Variants in SETD5 observed in about 807,000 individuals in gnomAD.
SETD5 encodes the protein SET domain containing 5.
In SETD5, 44 loss-of-function variants were observed where a neutral mutation model predicts 153.3. The ratio of observed to expected loss-of-function variants is 0.29; its 90% CI spans 0.23 to 0.37. The LOEUF (loss-of-function observed/expected upper bound fraction) is 0.37. Ranked by LOEUF, SETD5 falls within the 10% of genes least tolerant of loss-of-function variation. The probability of loss-of-function intolerance (pLI) is 1.00; values close to 1 mark genes in which losing one functional copy is unlikely to be tolerated. For missense variants in SETD5, 1,544 were observed against 1,768.0 expected (o/e 0.87, Z 2.27); for synonymous variants, 716 against 645.2 (o/e 1.11, Z -1.66).
At chr3:9,431,263 G>T (rs2039928910) in intron 3 of SETD5, 1 of 985,256 alleles carries the variant, frequency 1.0e-6, no homozygotes, top group African/African-American at 1.7e-5. Flanking sequence ...CATTTTCCAA[G>T]AAATGGCATG....
At chr3:9,455,218 G>A (rs1371664315) in intron 17 of SETD5, among the ~76,000 whole-genome samples, 8 of 109,648 alleles carry the variant, frequency 7.3e-5, no homozygotes, top group Admixed American at 1.4e-4. Context: ...GATTCTCCCT[G>A]CCTCAGCCTC....
At chr3:9,400,351 T>C (rs2034555058) in intron 1 of SETD5, among the ~76,000 whole-genome samples, 1 of 152,206 alleles carries the variant, frequency 6.6e-6, no homozygotes, top group Admixed American at 6.5e-5. Context: ...AAGTAATAAT[T>C]TTAAGAATCT....
intron 15 of SETD5, 106 bp downstream of exon 15, chr3:9,448,112 T>C: frequency 7.8e-7 from 1 of 1,287,708 alleles, no homozygotes; most frequent in Admixed American, 2.8e-5. Context: ...TATTACTAGA[T>C]TGAAAGTTCT....
At chr3:9,475,359 G>A in intron 22 of SETD5, 124 bp from the exon 23 acceptor site, 1 of 1,384,494 alleles carries the variant, frequency 7.2e-7, no homozygotes. Context: ...TACTGCCTTT[G>A]GTTTCCTAAA....
chr3:9,410,886 T>TC (rs2036466736), intron 1 of SETD5, among the ~76,000 whole-genome samples: 2 of 150,970 alleles, frequency 1.3e-5, no homozygotes, highest in Admixed American at 1.3e-4. Context: ...TCTTTTTTTT[T>TC]TTCTTTTTTT....
At chr3:9,415,338 G>A (rs756646899) in intron 1 of SETD5, among the ~76,000 whole-genome samples, 1 of 152,114 alleles carries the variant, frequency 6.6e-6, no homozygotes, top group Non-Finnish European at 1.5e-5. Context: ...AAGATTTCCA[G>A]AGAAAGTTTT....
intron 17 of SETD5, 97 bp downstream of exon 17, chr3:9,453,965 G>A: frequency 7.6e-7 from 1 of 1,314,750 alleles, no homozygotes; most frequent in South Asian, 1.8e-5. Context: ...AAAAGAAATG[G>A]CGTGTTTTCT....
chr3:9,429,786 G>T, intron 3 of SETD5: 1 of 1,257,166 alleles, frequency 8.0e-7, no homozygotes. Flanking sequence ...TCCCCCTCTT[G>T]TCCTTTTACC....
chr3:9,476,301 A>C lies in SETD5; in HGVS notation c.*210A>C, dbSNP rs1406258939. 1.6e-6 allele frequency: 1 copy of C among 639,822 alleles called. No individual in the cohort carries two copies. The highest frequency in any genetic ancestry group is 2.6e-6 in the Non-Finnish European group (1 of 383,724). The allele number at this position is 639,822 out of a possible 1,614,324, so 39.6% of individuals were successfully genotyped here. A position where few individuals can be genotyped will look rare whatever the true frequency, so the allele number is the denominator to read the frequency against. ...AATCTTGTCTGAAGCAGAGACTATA[A>C]AGAAGTTTCTCCCTGCTGTCAAGGG... On this transcript the variant is annotated 3_prime_UTR_variant, in exon 23 of 23. Coordinates refer to ENST00000402198, the MANE Select transcript of SETD5 (RefSeq NM_001080517.3).
chr3:9,444,384 A>G (rs1214964157), intron 11 of SETD5, among the ~76,000 whole-genome samples: 1 of 152,190 alleles, frequency 6.6e-6, no homozygotes, highest in East Asian at 1.9e-4. Flanking sequence ...AAGGTTATAA[A>G]AGGTTTTAAG....
At position 9,445,586 on chromosome 3, in the gene SETD5, G is replaced by A. The variant is rs1023993233; in HGVS notation, c.1441-71G>A. The stretch of plus-strand genomic sequence containing the variant: ...TAGAGATTGTTATAGAGAGTTTTAA[G>A]CTACCAGAATAAAACAGATTGATTT... On this transcript the variant is annotated intron_variant, in intron 12 of 22. Coordinates refer to ENST00000402198, the MANE Select transcript of SETD5 (RefSeq NM_001080517.3). 6 of 1,341,254 alleles carry A rather than the reference G, an allele frequency of 4.5e-6. No individual in the cohort carries two copies. The Admixed American group carries it at 7.3e-5, about 16-fold the overall frequency. The allele number at this position is 1,341,254 out of a possible 1,614,324, so 83.1% of individuals were successfully genotyped here.
chr3:9,425,514 T>C (rs1016363258), intron 2 of SETD5, among the ~76,000 whole-genome samples: 2 of 152,046 alleles, frequency 1.3e-5, no homozygotes, highest in Admixed American at 1.3e-4. Context: ...TAAAAATTGC[T>C]CTAGGAAAAA....
rs2045877481 is a variant in SETD5, at chr3:9,476,790, T to G, written c.*699T>G. The G allele has an allele frequency of 6.6e-6, 1 of 152,522 alleles. No homozygotes were observed. Among genetic ancestry groups the G allele is most frequent in the Non-Finnish European group, 1.5e-5 (1 of 68,052 alleles). 9.4% of individuals were successfully genotyped at this position (152,522 alleles called of 1,614,324 possible). A position where few individuals can be genotyped will look rare whatever the true frequency, so the allele number is the denominator to read the frequency against. On this transcript the variant is annotated 3_prime_UTR_variant, in exon 23 of 23. Coordinates refer to ENST00000402198, the MANE Select transcript of SETD5 (RefSeq NM_001080517.3). ...GGGAGCAGATTATTTGAGTAGATTGTCTGAGCCTCCAACTGTTACCATCCT... is the reference window on the plus strand; with the variant it reads ...GGGAGCAGATTATTTGAGTAGATTGGCTGAGCCTCCAACTGTTACCATCCT...
At chr3:9,418,275 A>G (rs1446265054) in intron 1 of SETD5, among the ~76,000 whole-genome samples, 1 of 152,192 alleles carries the variant, frequency 6.6e-6, no homozygotes, top group Non-Finnish European at 1.5e-5. Context: ...GTTTATTTGC[A>G]TTTGCAGTCA....
At chr3:9,398,817 A>G (rs1352269823) in intron 1 of SETD5, among the ~76,000 whole-genome samples, 1 of 152,216 alleles carries the variant, frequency 6.6e-6, no homozygotes, top group East Asian at 1.9e-4. Context: ...CTGTTGGGAA[A>G]GCCCCTTCTA....
At chr3:9,441,148 A>G (rs920472760) in intron 8 of SETD5, among the ~76,000 whole-genome samples, 1 of 152,132 alleles carries the variant, frequency 6.6e-6, no homozygotes, top group Non-Finnish European at 1.5e-5. Context: ...ATTTGAGGTT[A>G]TAGTAAGCTA....
chr3:9,440,605 T>G lies in SETD5; in HGVS notation c.717T>G (p.Ser239=). 1 of 1,613,946 alleles carries G rather than the reference T, an allele frequency of 6.2e-7. No individual in the cohort carries two copies. The highest frequency in any genetic ancestry group is 8.5e-7 in the Non-Finnish European group (1 of 1,179,844). ...ACGCGCTTGAACAACACCTACATTC[T>G]AGCAAGGAATTTGTGGGCAAACCTA... The part of the protein sequence containing the change: ...VQNALEQHLH[S]SKEFVGKPTI... The change falls in exon 8 of 23, where the codon TCT becomes TCG. Residue 239 remains serine, a synonymous_variant. Transcript: ENST00000402198.
chr3:9,403,369 A>ATT (rs2035137282), intron 1 of SETD5, among the ~76,000 whole-genome samples: 1 of 152,212 alleles, frequency 6.6e-6, no homozygotes. Context: ...CTGAATTCTC[A>ATT]TTAAGAAATG....
chr3:9,447,113 A>C lies in SETD5; in HGVS notation c.1588A>C (p.Lys530Gln), dbSNP rs1347808212. The C allele has an allele frequency of 6.2e-7, 1 of 1,613,942 alleles. No homozygotes were observed. The highest frequency in any genetic ancestry group is 1.7e-5 in the Admixed American group (1 of 60,016). Residue 530 changes from lysine to glutamine, a missense_variant, in exon 14 of 23, where the codon AAG (lysine) becomes CAG (glutamine). Coordinates refer to ENST00000402198, the MANE Select transcript of SETD5 (RefSeq NM_001080517.3). Reference protein sequence around the residue: ...HAFENLEKRKKRRDQPLEQSN... With the variant: ...HAFENLEKRKQRRDQPLEQSN... ...TTTTGAAAACTTAGAGAAAAGAAAG[A>C]AGCGGCGGGATCAGCCCTTGGAACA...
Sources: allele counts gnomAD v4.1 joint callset (sites outside exome capture counted in the v4.1 genomes callset), GRCh38; gene constraint gnomAD v4.1.1; transcripts MANE v1.5; gene names NCBI Gene and HGNC (gene_info 2026-07-23, HGNC 2026-07-21).